KRCC1: variants seen among roughly 807,000 people sequenced by gnomAD.
KRCC1 encodes the protein lysine rich coiled-coil 1, also known as lysine-rich coiled-coil protein 1.
In KRCC1, 3 loss-of-function variants were observed where a neutral mutation model predicts 7.4. The ratio of observed to expected loss-of-function variants is 0.40; its 90% CI spans 0.18 to 1.04. KRCC1 has a LOEUF of 1.04. Ranked by LOEUF, KRCC1 falls within the 50% of genes least tolerant of loss-of-function variation. The pLI, the probability that KRCC1 is intolerant of heterozygous loss-of-function variation, is 0.33. For synonymous variants in KRCC1, 102 were observed against 101.6 expected (o/e 1.00, Z -0.02); for missense variants, 277 against 300.9 (o/e 0.92, Z 0.59).
intron 1 of KRCC1, among the ~76,000 whole-genome samples, chr2:88,043,291 C>G (rs923319941): frequency 1.8e-4 from 28 of 152,250 alleles, no homozygotes; most frequent in African/African-American, 6.7e-4. Context: ...TCATGGTTTA[C>G]CTTAACAACT....
At chr2:88,032,923 A>G (rs745800767) in intron 3 of KRCC1, among the ~76,000 whole-genome samples, 12 of 152,124 alleles carry the variant, frequency 7.9e-5, no homozygotes, top group Non-Finnish European at 1.8e-4. Context: ...CAACACAGCA[A>G]GAACCCATTT....
chr2:88,048,166 T>C (rs1481972275), intron 1 of KRCC1, among the ~76,000 whole-genome samples: 2 of 151,342 alleles, frequency 1.3e-5, no homozygotes, highest in Non-Finnish European at 2.9e-5. Flanking sequence ...CACAGCAACC[T>C]TCACCTCCTG....
chr2:88,031,765 TAAA>T (rs974115363), intron 3 of KRCC1, among the ~76,000 whole-genome samples: 1 of 152,058 alleles, frequency 6.6e-6, no homozygotes, highest in African/African-American at 2.4e-5. Flanking sequence ...GTCAAAAAGT[TAAA>T]AAAATTTAAA....
chr2:88,042,191 G>T (rs1573080732), intron 1 of KRCC1, among the ~76,000 whole-genome samples: 2 of 151,648 alleles, frequency 1.3e-5, no homozygotes, highest in African/African-American at 4.8e-5. Context: ...CTCCTGAGTA[G>T]CTGGGACTAC....
At chr2:88,045,736 T>A (rs1420155994) in intron 1 of KRCC1, among the ~76,000 whole-genome samples, 1 of 151,266 alleles carries the variant, frequency 6.6e-6, no homozygotes, top group East Asian at 1.9e-4. Flanking sequence ...CAGGCTGGAG[T>A]GTAGTGGTGC....
chr2:88,042,248 GAC>G (rs975021264), intron 1 of KRCC1, among the ~76,000 whole-genome samples: 1 of 151,962 alleles, frequency 6.6e-6, no homozygotes, highest in African/African-American at 2.4e-5. Context: ...TTTTAGTAGA[GAC>G]AGTGTTTCAC....
intron 3 of KRCC1, among the ~76,000 whole-genome samples, chr2:88,029,371 C>T (rs1015985773): frequency 2.6e-5 from 4 of 152,080 alleles, no homozygotes; most frequent in East Asian, 1.9e-4. Context: ...ACTCACCTGA[C>T]GAGAGTACTG....
chr2:88,032,306 C>A (rs1463224214), intron 3 of KRCC1, among the ~76,000 whole-genome samples: 2 of 152,152 alleles, frequency 1.3e-5, no homozygotes, highest in African/African-American at 4.8e-5. Flanking sequence ...AAATGCCCCA[C>A]ACAAGTGTAC....
chr2:88,028,595 AG>A lies in KRCC1; in HGVS notation c.-22-11del, dbSNP rs1488855399. 1 of 1,518,260 alleles carries A rather than the reference AG, an allele frequency of 6.6e-7. No homozygotes were observed. The highest frequency in any genetic ancestry group is 1.4e-5 in the African/African-American group (1 of 72,040). The allele number at this position is 1,518,260 out of a possible 1,614,324, so 94.0% of individuals were successfully genotyped here. On this transcript the variant is annotated splice_polypyrimidine_tract_variant and intron_variant, in intron 3 of 3. Transcript: ENST00000347055. Reference sequence around the variant, plus strand: ...GACAAAACGGGATTTTCTGCAAAAAAGGGAGAAAATTCTTACCAGATCATCT... The same window carrying A: ...GACAAAACGGGATTTTCTGCAAAAAAGGAGAAAATTCTTACCAGATCATCT...
At chr2:88,054,773 A>G (rs1673575346) in intron 1 of KRCC1, among the ~76,000 whole-genome samples, 1 of 152,068 alleles carries the variant, frequency 6.6e-6, no homozygotes, top group South Asian at 2.1e-4. Context: ...CAACGCTTTA[A>G]CGTCCAGCTT....
chr2:88,045,311 A>G (rs905653675), intron 1 of KRCC1, among the ~76,000 whole-genome samples: 2 of 152,216 alleles, frequency 1.3e-5, no homozygotes, highest in Admixed American at 1.3e-4. Flanking sequence ...TAACAGCCAA[A>G]ACCTGAAACA....
At chr2:88,053,408 T>A (rs1352497790) in intron 1 of KRCC1, among the ~76,000 whole-genome samples, 1 of 152,214 alleles carries the variant, frequency 6.6e-6, no homozygotes, top group Non-Finnish European at 1.5e-5. Context: ...ACATGCTGAG[T>A]CTGCCAAAAA....
Position 88,028,576 on chromosome 2 carries a change from A to G in KRCC1, c.-13T>C. On this transcript the variant is annotated 5_prime_UTR_variant, in exon 4 of 4. Transcript: ENST00000347055. ...TTGAATGCTTCATTAGGTTGACAAA[A>G]CGGGATTTTCTGCAAAAAAGGGAGA... The G allele has an allele frequency of 6.3e-7, 1 of 1,588,786 alleles. No individual in the cohort carries two copies. The highest frequency in any genetic ancestry group is 2.2e-5 in the East Asian group (1 of 44,608).
At chr2:88,038,866 C>A (rs955202812) in intron 1 of KRCC1, among the ~76,000 whole-genome samples, 1 of 152,182 alleles carries the variant, frequency 6.6e-6, no homozygotes, top group African/African-American at 2.4e-5. Context: ...TCCACCTGGT[C>A]TCTCCTTGAC....
rs139912216 is a variant in KRCC1, at chr2:88,027,627, T to C, written c.*157A>G. The C allele has an allele frequency of 7.8e-4, 423 of 544,576 alleles. 5 individuals are homozygous for C. The East Asian group carries it at 0.013, about 16-fold the overall frequency. 33.7% of individuals were successfully genotyped at this position (544,576 alleles called of 1,614,324 possible). ...AAAATGAGGAAAAGCAATTTCTGTG[T>C]TGGAGAGCAAGCATGCTAAACACTT... On this transcript the variant is annotated 3_prime_UTR_variant, in exon 4 of 4. Transcript: ENST00000347055.
chr2:88,045,894 G>A (rs898287701), intron 1 of KRCC1, among the ~76,000 whole-genome samples: 2 of 152,020 alleles, frequency 1.3e-5, no homozygotes, highest in African/African-American at 2.4e-5. Flanking sequence ...TGGCCAGGCT[G>A]GTCTCAAACT....
At chr2:88,031,988 C>T (rs185484154) in intron 3 of KRCC1, among the ~76,000 whole-genome samples, 47 of 151,726 alleles carry the variant, frequency 3.1e-4, no homozygotes, top group South Asian at 1.3e-3. Context: ...AGTAATAATA[C>T]AAAAATTAGC....
intron 1 of KRCC1, among the ~76,000 whole-genome samples, chr2:88,054,294 A>G (rs1445771944): frequency 6.6e-6 from 1 of 152,202 alleles, no homozygotes; most frequent in Admixed American, 6.5e-5. Flanking sequence ...CTGTTGGAAA[A>G]GCCAGGCTGT....
At chr2:88,038,728 C>T (rs1673144165) in intron 1 of KRCC1, among the ~76,000 whole-genome samples, 1 of 152,166 alleles carries the variant, frequency 6.6e-6, no homozygotes, top group South Asian at 2.1e-4. Flanking sequence ...AAGGCACTTT[C>T]CTTTCAAGGT....
Sources: allele counts gnomAD v4.1 joint callset (sites outside exome capture counted in the v4.1 genomes callset), GRCh38; gene constraint gnomAD v4.1.1; transcripts MANE v1.5; gene names NCBI Gene and HGNC (gene_info 2026-07-23, HGNC 2026-07-21).